GNG4: variants seen among roughly 807,000 people sequenced by gnomAD.
The protein encoded by GNG4 is guanine nucleotide-binding protein G(I)/G(S)/G(O) subunit gamma-4.
Under a neutral mutation model 5.8 loss-of-function variants are expected in GNG4, and 4 were observed. The observed-to-expected ratio is 0.69, with a 90% CI of 0.34 to 1.57. The LOEUF is 1.57. Among genes scored for constraint, GNG4 ranks in the 40% most tolerant of loss-of-function variants. The probability of loss-of-function intolerance (pLI) is 0.06; values close to 1 mark genes in which losing one functional copy is unlikely to be tolerated. For missense variants in GNG4, 96 were observed against 95.1 expected, an observed-to-expected ratio of 1.01 and a Z score of -0.04; for synonymous variants, 29 against 32.9, an observed-to-expected ratio of 0.88 and a Z score of 0.41.
At chr1:235,636,871 C>T (rs1037519667) in intron 1 of GNG4, among the ~76,000 whole-genome samples, 10 of 152,042 alleles carry the variant, frequency 6.6e-5, no homozygotes, top group African/African-American at 1.2e-4. Flanking sequence ...ACCCCTAGGG[C>T]AAGAGGATAC....
At chr1:235,558,475 C>T (rs1270559687) in intron 3 of GNG4, among the ~76,000 whole-genome samples, 1 of 152,170 alleles carries the variant, frequency 6.6e-6, no homozygotes, top group Non-Finnish European at 1.5e-5. Context: ...GAGCCTGACA[C>T]ATGAAAGGTG....
intron 3 of GNG4, among the ~76,000 whole-genome samples, chr1:235,570,921 T>TACACACAC (rs201995877): frequency 1.3e-4 from 8 of 63,934 alleles, no homozygotes; most frequent in African/African-American, 5.8e-4. Flanking sequence ...TACATATATA[T>TACACACAC]ATACACACAC....
intron 3 of GNG4, among the ~76,000 whole-genome samples, chr1:235,572,495 C>CTT (rs1261290924): frequency 3.8e-4 from 43 of 112,776 alleles, no homozygotes; most frequent in African/African-American, 1.2e-3. Flanking sequence ...CCACCGTGCT[C>CTT]TTTTTTTTTT....
chr1:235,557,726 GTA>G (rs1481443863), intron 3 of GNG4, among the ~76,000 whole-genome samples: 3 of 152,140 alleles, frequency 2.0e-5, no homozygotes, highest in African/African-American at 7.2e-5. Context: ...CTATCAACCA[GTA>G]CATCCTGTAC....
At chr1:235,616,579 T>A (rs918638890) in intron 1 of GNG4, among the ~76,000 whole-genome samples, 5 of 152,172 alleles carry the variant, frequency 3.3e-5, no homozygotes, top group Admixed American at 6.5e-5. Flanking sequence ...GGAAGAAACG[T>A]CCCTAGTAAC....
chr1:235,581,762 G>A (rs1460049525), intron 3 of GNG4, among the ~76,000 whole-genome samples: 1 of 152,138 alleles, frequency 6.6e-6, no homozygotes, highest in Non-Finnish European at 1.5e-5. Context: ...AGCAATGTGA[G>A]AATGAACTCC....
intron 2 of GNG4, among the ~76,000 whole-genome samples, chr1:235,588,280 T>C (rs1410420667): frequency 6.6e-6 from 1 of 152,016 alleles, no homozygotes; most frequent in African/African-American, 2.4e-5. Flanking sequence ...CATCCCTCCA[T>C]GGCCTCCCTC....
chr1:235,552,111 A>G lies in GNG4; in HGVS notation c.226T>C (p.Ter76GlnextTer4). The change falls in exon 4 of 4, where the codon TAA (stop) becomes CAA (glutamine). Residue 76 changes from the stop codon to glutamine (Q), a stop_lost. Coordinates refer to ENST00000391854, the MANE Select transcript of GNG4 (RefSeq NM_001098722.2). ...REKKFFCTIL[*>Q] The stretch of plus-strand genomic sequence containing the variant: ...AGGCGTTTTCATCACACACGGAGTT[A>G]GAGAATGGTACAAAAGAACTTCTTC... The G allele has an allele frequency of 6.2e-7, 1 of 1,613,732 alleles. No individual in the cohort carries two copies. The highest frequency in any genetic ancestry group is 8.5e-7 in the Non-Finnish European group (1 of 1,179,688).
intron 1 of GNG4, among the ~76,000 whole-genome samples, chr1:235,604,116 A>T (rs1688308329): frequency 6.6e-6 from 1 of 152,158 alleles, no homozygotes; most frequent in African/African-American, 2.4e-5. Context: ...GCCCTTACTG[A>T]CTGTGATGTT....
chr1:235,561,050 G>GC (rs1687048006), intron 3 of GNG4, among the ~76,000 whole-genome samples: 3 of 151,980 alleles, frequency 2.0e-5, no homozygotes, highest in Non-Finnish European at 2.9e-5. Flanking sequence ...TCACTCTGTC[G>GC]CCAGGCTGCA....
chr1:235,633,906 T>C (rs1688980493), intron 1 of GNG4, among the ~76,000 whole-genome samples: 1 of 152,186 alleles, frequency 6.6e-6, no homozygotes, highest in Non-Finnish European at 1.5e-5. Flanking sequence ...GCCCAGCTCA[T>C]GGACAGTCTT....
At chr1:235,618,592 AACT>A (rs1328949175) in intron 1 of GNG4, among the ~76,000 whole-genome samples, 1 of 151,996 alleles carries the variant, frequency 6.6e-6, no homozygotes, top group Non-Finnish European at 1.5e-5. Context: ...TGTGTTCACA[AACT>A]GATTCGTGTG....
At chr1:235,581,160 T>G (rs1687623685) in intron 3 of GNG4, among the ~76,000 whole-genome samples, 1 of 152,060 alleles carries the variant, frequency 6.6e-6, no homozygotes, top group Admixed American at 6.6e-5. Flanking sequence ...AGGTGGGGCC[T>G]GGTGGGAAGT....
chr1:235,601,456 T>A (rs1688257240), intron 1 of GNG4, among the ~76,000 whole-genome samples: 1 of 152,158 alleles, frequency 6.6e-6, no homozygotes, highest in Non-Finnish European at 1.5e-5. Flanking sequence ...GACCTGGACT[T>A]TAGCATCTAC....
intron 3 of GNG4, among the ~76,000 whole-genome samples, chr1:235,562,514 G>A (rs1013792676): frequency 6.6e-6 from 1 of 151,854 alleles, no homozygotes; most frequent in Non-Finnish European, 1.5e-5. Flanking sequence ...GCTGGGCATG[G>A]TGGGCCTGTA....
At chr1:235,630,391 G>A (rs1299172695) in intron 1 of GNG4, among the ~76,000 whole-genome samples, 1 of 152,182 alleles carries the variant, frequency 6.6e-6, no homozygotes, top group Non-Finnish European at 1.5e-5. Context: ...AGCAGCCTGT[G>A]ACTCAACTAC....
At chr1:235,557,004 C>T (rs905390980) in intron 3 of GNG4, among the ~76,000 whole-genome samples, 18 of 152,182 alleles carry the variant, frequency 1.2e-4, no homozygotes, top group Non-Finnish European at 1.0e-4. Flanking sequence ...AGAGCTCAAG[C>T]GGTAATGCAA....
chr1:235,569,241 G>C (rs1183213309), intron 3 of GNG4, among the ~76,000 whole-genome samples: 2 of 152,142 alleles, frequency 1.3e-5, no homozygotes, highest in African/African-American at 4.8e-5. Context: ...TGGGTGTGGG[G>C]GCTCACGCCT....
intron 1 of GNG4, among the ~76,000 whole-genome samples, chr1:235,633,495 T>A (rs756318987): frequency 1.3e-5 from 2 of 152,162 alleles, no homozygotes; most frequent in Non-Finnish European, 2.9e-5. Context: ...ATTTAAAAAA[T>A]TTTTATTTTT....
Sources: allele counts gnomAD v4.1 joint callset (sites outside exome capture counted in the v4.1 genomes callset), GRCh38; gene constraint gnomAD v4.1.1; transcripts MANE v1.5; gene names NCBI Gene and HGNC (gene_info 2026-07-23, HGNC 2026-07-21).